FHIT: variants seen among roughly 807,000 people sequenced by gnomAD.
FHIT encodes fragile histidine triad diadenosine triphosphatase.
A neutral mutation model predicts 17.9 loss-of-function variants in FHIT; 19 were observed. The observed-to-expected ratio is 1.06, with a 90% confidence interval of 0.74 to 1.56. The LOEUF (loss-of-function observed/expected upper bound fraction) is 1.56, where lower values mean the gene tolerates loss of function less well. Ranked by LOEUF, FHIT falls within the 40% of genes most tolerant of loss-of-function variation. FHIT has a pLI of 0.00. For synonymous variants in FHIT, 81 were observed against 69.7 expected, an observed-to-expected ratio of 1.16 and a Z score of -0.81; for missense variants, 248 against 189.2, an observed-to-expected ratio of 1.31 and a Z score of -1.82.
intron 5 of FHIT, among the ~76,000 whole-genome samples, chr3:60,522,189 A>T (rs555641337): frequency 4.1e-4 from 60 of 144,792 alleles, no homozygotes; most frequent in Non-Finnish European, 7.2e-4. Context: ...AGCTCACTGC[A>T]ACTTCTGCCC....
intron 1 of FHIT, among the ~76,000 whole-genome samples, chr3:61,205,833 T>C (rs1353474682): frequency 1.3e-5 from 2 of 151,112 alleles, no homozygotes; most frequent in African/African-American, 4.9e-5. Flanking sequence ...TTAGATCCCA[T>C]TTGTCAATTT....
chr3:59,835,376 A>G (rs1399331908), intron 8 of FHIT, among the ~76,000 whole-genome samples: 1 of 152,180 alleles, frequency 6.6e-6, no homozygotes, highest in African/African-American at 2.4e-5. Flanking sequence ...TTGTGCACCA[A>G]AAATGAAGCT....
Position 60,216,944 on chromosome 3 carries a change from T to C in FHIT, c.104-202792A>G, listed in dbSNP as rs1356932819. On this transcript the variant is annotated intron_variant, in intron 5 of 9. Transcript: ENST00000492590. Reference sequence around the variant, plus strand: ...TGGATACTCAGGATGGCTACTGTTATGATGGACAGATTCCATTTTATCCAA... The same window carrying C: ...TGGATACTCAGGATGGCTACTGTTACGATGGACAGATTCCATTTTATCCAA... Among the ~76,000 whole-genome samples, 51 of 152,204 alleles carry C rather than the reference T, an allele frequency of 3.4e-4. 1 individual carries two copies. Among genetic ancestry groups the C allele is most frequent in the Admixed American group, 3.3e-3 (51 of 15,286 alleles).
chr3:60,499,999 C>T (rs2034458790), intron 5 of FHIT, among the ~76,000 whole-genome samples: 1 of 152,102 alleles, frequency 6.6e-6, no homozygotes, highest in Non-Finnish European at 1.5e-5. Context: ...AAAGTAGGAT[C>T]GTTATCTGAC....
At chr3:60,762,965 C>G (rs1699710421) in intron 4 of FHIT, among the ~76,000 whole-genome samples, 1 of 152,136 alleles carries the variant, frequency 6.6e-6, no homozygotes, top group African/African-American at 2.4e-5. Context: ...ATCTCTGTCT[C>G]TCTCTGGAGA....
chr3:61,043,626 G>A (rs536323314), intron 2 of FHIT, among the ~76,000 whole-genome samples: 2 of 152,228 alleles, frequency 1.3e-5, no homozygotes, highest in Admixed American at 1.3e-4. Context: ...TTTGAAGAGA[G>A]CAGTGGTTCT....
At chr3:60,958,741 T>C (rs1170830426) in intron 3 of FHIT, among the ~76,000 whole-genome samples, 1 of 152,242 alleles carries the variant, frequency 6.6e-6, no homozygotes, top group African/African-American at 2.4e-5. Context: ...CTTTGGACAC[T>C]TGACCCTAAG....
chr3:60,029,895 GTC>G (rs1404714842), intron 5 of FHIT, among the ~76,000 whole-genome samples: 15 of 111,248 alleles, frequency 1.3e-4, no homozygotes, highest in Admixed American at 2.6e-4. Flanking sequence ...GTGTGTGTGT[GTC>G]TGTGTGTGTG....
intron 7 of FHIT, among the ~76,000 whole-genome samples, chr3:59,940,015 T>C (rs1281741484): frequency 6.6e-6 from 1 of 152,132 alleles, no homozygotes; most frequent in Non-Finnish European, 1.5e-5. Context: ...GATGACAATA[T>C]ACAGAATCTG....
chr3:60,672,654 G>T (rs2040533047), intron 4 of FHIT, among the ~76,000 whole-genome samples: 1 of 152,158 alleles, frequency 6.6e-6, no homozygotes, highest in East Asian at 1.9e-4. Context: ...AGGCCTGACA[G>T]TATCCATATT....
At chr3:60,325,637 G>A (rs1709657278) in intron 5 of FHIT, among the ~76,000 whole-genome samples, 2 of 152,116 alleles carry the variant, frequency 1.3e-5, no homozygotes, top group South Asian at 4.1e-4. Flanking sequence ...ATAAAACAAT[G>A]ATGTAGATAT....
At chr3:60,966,058 A>C (rs1709724762) in intron 3 of FHIT, among the ~76,000 whole-genome samples, 1 of 152,154 alleles carries the variant, frequency 6.6e-6, no homozygotes, top group East Asian at 1.9e-4. Context: ...AGAGGCAGGC[A>C]GGCCTCCTTG....
Position 60,950,340 on chromosome 3 carries a change from T to A in FHIT, c.-111+91707A>T, listed in dbSNP as rs1014576018. Among the ~76,000 whole-genome samples the A allele has an allele frequency of 2.6e-5, 4 of 152,224 alleles. No homozygotes were observed. The South Asian group carries it at 8.3e-4, about 32-fold the overall frequency. ...ATATCATATTTATTGAGAGCTGTTATCTTTGTATACCATTGGTTTGACAAA... is the reference window on the plus strand; with the variant it reads ...ATATCATATTTATTGAGAGCTGTTAACTTTGTATACCATTGGTTTGACAAA... On this transcript the variant is annotated intron_variant, in intron 3 of 9. Transcript: ENST00000492590.
intron 8 of FHIT, among the ~76,000 whole-genome samples, chr3:59,765,109 ATAT>A (rs1413936768): frequency 6.6e-6 from 1 of 152,222 alleles, no homozygotes; most frequent in Non-Finnish European, 1.5e-5. Flanking sequence ...CAAAGCTGAA[ATAT>A]TATAGAGAGT....
intron 7 of FHIT, among the ~76,000 whole-genome samples, chr3:59,947,751 C>T (rs1462813782): frequency 6.6e-6 from 1 of 152,196 alleles, no homozygotes; most frequent in East Asian, 1.9e-4. Flanking sequence ...GGAAACAACA[C>T]TCTGACAGAG....
intron 5 of FHIT, among the ~76,000 whole-genome samples, chr3:60,399,170 C>T (rs1371511629): frequency 6.6e-6 from 1 of 152,074 alleles, no homozygotes; most frequent in African/African-American, 2.4e-5. Flanking sequence ...TATTTATAAC[C>T]TATAAAAAGT....
intron 5 of FHIT, among the ~76,000 whole-genome samples, chr3:60,451,368 G>A (rs893965311): frequency 6.6e-6 from 1 of 151,930 alleles, no homozygotes; most frequent in Non-Finnish European, 1.5e-5. Flanking sequence ...TCTTCTTTCA[G>A]ACCTTCTTCA....
intron 5 of FHIT, among the ~76,000 whole-genome samples, chr3:60,250,047 T>C (rs1705614996): frequency 6.6e-6 from 1 of 151,884 alleles, no homozygotes; most frequent in African/African-American, 2.4e-5. Context: ...TCTTGACACA[T>C]GGAGATTATT....
intron 5 of FHIT, among the ~76,000 whole-genome samples, chr3:60,135,600 G>A (rs1187246671): frequency 3.9e-5 from 6 of 152,040 alleles, no homozygotes; most frequent in Admixed American, 6.6e-5. Context: ...GAAGTAACCC[G>A]ACTGACTTAT....
Sources: gnomAD v4.1 joint callset for allele counts (sites outside exome capture counted in the v4.1 genomes callset) on GRCh38, gnomAD v4.1.1 for gene constraint, MANE v1.5 for transcripts, NCBI Gene and HGNC (gene_info 2026-07-23, HGNC 2026-07-21) for gene names.